SLC2A9: variants seen among roughly 807,000 people sequenced by gnomAD.
SLC2A9 encodes the protein solute carrier family 2 member 9.
SLC2A9 carries 39 observed loss-of-function variants against 50.6 expected under a neutral mutation model. The observed-to-expected ratio is 0.77, with a 90% CI of 0.60 to 1.01. SLC2A9 has a LOEUF of 1.01. Among genes scored for constraint, SLC2A9 ranks in the 50% least tolerant of loss-of-function variants. The probability of loss-of-function intolerance (pLI) is 0.00; values close to 1 mark genes in which losing one functional copy is unlikely to be tolerated. For missense variants in SLC2A9, 686 were observed against 677.6 expected (o/e 1.01, Z -0.14); for synonymous variants, 324 against 276.9 (o/e 1.17, Z -1.69).
intron 2 of SLC2A9, among the ~76,000 whole-genome samples, chr4:9,999,193 T>C (rs1236638471): frequency 6.6e-6 from 1 of 151,870 alleles, no homozygotes; most frequent in Non-Finnish European, 1.5e-5. Context: ...GACAGACGAC[T>C]ACAGGTATGT....
chr4:10,007,614 C>T (rs1047738817), intron 2 of SLC2A9, among the ~76,000 whole-genome samples: 10 of 152,220 alleles, frequency 6.6e-5, no homozygotes, highest in Non-Finnish European at 1.3e-4. Context: ...TATTCTTATT[C>T]AATCACAGTC....
In SLC2A9 at chr4:9,826,401, G is replaced by A; in HGVS notation, c.1619C>T (p.Pro540Leu). 2 of 1,613,958 alleles carry A rather than the reference G, an allele frequency of 1.2e-6. No homozygotes were observed. Among genetic ancestry groups the A allele is most frequent in the Non-Finnish European group, 1.7e-6 (2 of 1,179,884 alleles). The stretch of plus-strand genomic sequence containing the variant: ...CAACGTGGAGGAGGAAACTTGTTAA[G>A]GCCTTCCATTTATCTTACCATCAGT... ...AVTDGKINGR[P>L] The change falls in exon 12 of 12, where the codon CCT (proline) becomes CTT (leucine). Residue 540 changes from proline (P) to leucine (L), a missense_variant. Physicochemically the swap from Pro to Leu is moderately conservative, Grantham distance 98. Coordinates refer to ENST00000264784, the MANE Select transcript of SLC2A9 (RefSeq NM_020041.3).
intron 3 of SLC2A9, among the ~76,000 whole-genome samples, chr4:9,816,174 CATAA>C (rs34640947): frequency 1.7e-4 from 26 of 149,162 alleles, no homozygotes; most frequent in African/African-American, 4.7e-4. Flanking sequence ...TGTCTCAAAA[CATAA>C]ATAAATAAAT....
intron 5 of SLC2A9, among the ~76,000 whole-genome samples, chr4:9,946,111 G>A (rs79687617): frequency 0.013 from 1,983 of 152,268 alleles, 49 homozygotes; most frequent in African/African-American, 0.044. Flanking sequence ...GCCCTAGAGC[G>A]TCCATCTAGG....
At chr4:9,934,359 G>A (rs1159986699) in intron 6 of SLC2A9, among the ~76,000 whole-genome samples, 1 of 152,170 alleles carries the variant, frequency 6.6e-6, no homozygotes, top group Non-Finnish European at 1.5e-5. Context: ...CTGGGTAGCT[G>A]GACACTTTCT....
At chr4:9,904,350 G>GT (rs1740235468) in intron 8 of SLC2A9, among the ~76,000 whole-genome samples, 1 of 152,156 alleles carries the variant, frequency 6.6e-6, no homozygotes, top group East Asian at 1.9e-4. Flanking sequence ...TCCTGGGCGT[G>GT]TGACCCCTTC....
chr4:9,886,537 T>G (rs1316241819), intron 10 of SLC2A9, among the ~76,000 whole-genome samples: 1 of 151,190 alleles, frequency 6.6e-6, no homozygotes, highest in Non-Finnish European at 1.5e-5. Context: ...CTTGCCACCT[T>G]GCCATCTTAT....
chr4:9,954,756 G>A (rs1195669905), intron 5 of SLC2A9, among the ~76,000 whole-genome samples: 2 of 152,114 alleles, frequency 1.3e-5, no homozygotes, highest in Non-Finnish European at 2.9e-5. Context: ...CCCTGCCTCT[G>A]TTATAGTGGG....
chr4:9,963,900 G>A (rs946109599), intron 5 of SLC2A9, among the ~76,000 whole-genome samples: 3 of 152,180 alleles, frequency 2.0e-5, no homozygotes, highest in African/African-American at 7.2e-5. Context: ...GAATGGGGCT[G>A]AGAAGTCTCA....
intron 11 of SLC2A9, among the ~76,000 whole-genome samples, chr4:9,834,590 T>C (rs147196081): frequency 6.6e-6 from 1 of 152,296 alleles, no homozygotes; most frequent in East Asian, 1.9e-4. Flanking sequence ...GTAAAAATGA[T>C]AAGTAGGTTG....
chr4:9,954,329 C>A (rs1334102379), intron 5 of SLC2A9, among the ~76,000 whole-genome samples: 1 of 152,270 alleles, frequency 6.6e-6, no homozygotes, highest in Non-Finnish European at 1.5e-5. Flanking sequence ...TGGGGCTCCC[C>A]ACTGGAAGAC....
chr4:9,887,850 A>G (rs934796799), intron 9 of SLC2A9, among the ~76,000 whole-genome samples: 1 of 152,234 alleles, frequency 6.6e-6, no homozygotes, highest in Non-Finnish European at 1.5e-5. Flanking sequence ...TGATGAAATC[A>G]GATGAAGCCT....
At chr4:9,887,541 G>A (rs758694032) in intron 10 of SLC2A9, 26 bp downstream of exon 10, 5 of 1,545,868 alleles carry the variant, frequency 3.2e-6, no homozygotes, top group Non-Finnish European at 3.5e-6. Flanking sequence ...CCTGGGCGGG[G>A]CAGTGGGGAG....
chr4:9,913,303 T>TTTTGTGTG, intron 7 of SLC2A9, among the ~76,000 whole-genome samples: 1 of 142,118 alleles, frequency 7.0e-6, no homozygotes, highest in African/African-American at 2.6e-5. Context: ...TCCTGTGTGT[T>TTTTGTGTG]TGTGTGTGTG....
chr4:9,772,964 A>G (rs1717043285), intron 1 of SLC2A9, among the ~76,000 whole-genome samples: 1 of 152,180 alleles, frequency 6.6e-6, no homozygotes, highest in Admixed American at 6.5e-5. Flanking sequence ...TGAGGCTTAG[A>G]GAGGTTACGT....
intron 1 of SLC2A9, among the ~76,000 whole-genome samples, chr4:10,031,417 C>G (rs1287202853): frequency 1.3e-5 from 2 of 152,216 alleles, no homozygotes; most frequent in Non-Finnish European, 1.5e-5. Flanking sequence ...TTTACGGATC[C>G]AATCGAATTA....
Position 9,873,382 on chromosome 4 carries a change from A to G in SLC2A9, c.1291+14185T>C, listed in dbSNP as rs1163274862. ...ACAGTTACTGCCTCCAGGCAATTGT[A>G]GAATAGCCACAGTTCTTTGCAGCCC... On this transcript the variant is annotated intron_variant, in intron 10 of 11. Coordinates refer to ENST00000264784, the MANE Select transcript of SLC2A9 (RefSeq NM_020041.3). Among the ~76,000 whole-genome samples the G allele has an allele frequency of 1.3e-5, 2 of 152,250 alleles. 1 individual carries two copies. Among genetic ancestry groups the G allele is most frequent in the African/African-American group, 4.8e-5 (2 of 41,468 alleles).
chr4:9,797,499 C>A (rs916050600), downstream of SLC2A9, among the ~76,000 whole-genome samples: 2 of 152,158 alleles, frequency 1.3e-5, no homozygotes, highest in Non-Finnish European at 1.5e-5. Context: ...CCCAAGTCTG[C>A]ATATGTATGA....
chr4:10,021,727 T>C (rs1209754577), upstream of SLC2A9, among the ~76,000 whole-genome samples: 1 of 151,930 alleles, frequency 6.6e-6, no homozygotes, highest in Non-Finnish European at 1.5e-5. Flanking sequence ...TAACAAAGCC[T>C]GGAGCAGGGT....
Sources: allele counts gnomAD v4.1 joint callset (sites outside exome capture counted in the v4.1 genomes callset), GRCh38; gene constraint gnomAD v4.1.1; transcripts MANE v1.5; gene names NCBI Gene and HGNC (gene_info 2026-07-23, HGNC 2026-07-21).